Variants in LHFPL3 observed in about 807,000 individuals in gnomAD.
LHFPL3 encodes LHFPL tetraspan subfamily member 3.
A neutral mutation model predicts 19.3 loss-of-function variants in LHFPL3; 5 were observed. That is an observed-to-expected ratio of 0.26 (90% CI 0.14 to 0.54). The LOEUF (loss-of-function observed/expected upper bound fraction) is 0.54, where lower values mean the gene tolerates loss of function less well. Among genes scored for constraint, LHFPL3 ranks in the 20% least tolerant of loss-of-function variants. LHFPL3 has a pLI of 0.94. For synonymous variants in LHFPL3, 133 were observed against 126.2 expected (o/e 1.05, Z -0.36); for missense variants, 249 against 307.4 (o/e 0.81, Z 1.42).
At chr7:104,335,888 T>G (rs928587403) in intron 1 of LHFPL3, among the ~76,000 whole-genome samples, 1 of 149,066 alleles carries the variant, frequency 6.7e-6, no homozygotes, top group African/African-American at 2.5e-5. Context: ...GAAGAGCATA[T>G]AGCTAGAGTT....
At chr7:104,647,626 A>G (rs1791955893) in intron 1 of LHFPL3, among the ~76,000 whole-genome samples, 1 of 152,258 alleles carries the variant, frequency 6.6e-6, no homozygotes, top group Admixed American at 6.5e-5. Flanking sequence ...TGGCTTAAAT[A>G]AGAAGAGTTT....
rs77806434 is a variant in LHFPL3, at chr7:104,758,267, G to A, written c.682+21356G>A. Among the ~76,000 whole-genome samples, 654 of 152,250 alleles carry A rather than the reference G, an allele frequency of 4.3e-3. 4 individuals carry two copies. The highest frequency in any genetic ancestry group is 0.015 in the African/African-American group (628 of 41,550). On this transcript the variant is annotated intron_variant, in intron 2 of 2. Coordinates refer to ENST00000424859, the MANE Select transcript of LHFPL3 (RefSeq NM_199000.3). ...ACTATACTCACTACCTGGGTAATCCGCTAGTAGGGATCATTTGTTCCCCAA... is the reference window on the plus strand; with the variant it reads ...ACTATACTCACTACCTGGGTAATCCACTAGTAGGGATCATTTGTTCCCCAA...
chr7:104,714,906 A>G lies in LHFPL3; in HGVS notation c.446-21769A>G, dbSNP rs1021065083. 3.9e-5 allele frequency among the ~76,000 whole-genome samples: 6 copies of G among 152,174 alleles called. No individual in the cohort carries two copies. The South Asian group carries it at 1.2e-3, about 32-fold the overall frequency. On this transcript the variant is annotated intron_variant, in intron 1 of 2. Coordinates refer to ENST00000424859, the MANE Select transcript of LHFPL3 (RefSeq NM_199000.3). Reference sequence around the variant, plus strand: ...TGTGTGCGCATGCACACATGTGTACATGCTCACTCTATATATATATACACA... The same window carrying G: ...TGTGTGCGCATGCACACATGTGTACGTGCTCACTCTATATATATATACACA...
intron 1 of LHFPL3, among the ~76,000 whole-genome samples, chr7:104,475,686 A>C (rs895778313): frequency 4.6e-5 from 7 of 152,198 alleles, no homozygotes; most frequent in African/African-American, 1.7e-4. Flanking sequence ...GATGATTTAC[A>C]GTTCACAAAG....
At chr7:104,338,930 A>C (rs183164682) in intron 1 of LHFPL3, among the ~76,000 whole-genome samples, 1 of 152,162 alleles carries the variant, frequency 6.6e-6, no homozygotes. Context: ...ATCACTTAAC[A>C]TACTCTTCTC....
chr7:104,665,132 T>C (rs2116005154), intron 1 of LHFPL3, among the ~76,000 whole-genome samples: 1 of 152,384 alleles, frequency 6.6e-6, no homozygotes, highest in Middle Eastern at 3.4e-3. Context: ...AGACTGCTAA[T>C]GTAAAACTGG....
At chr7:104,578,252 TA>T (rs1790381398) in intron 1 of LHFPL3, among the ~76,000 whole-genome samples, 2 of 152,248 alleles carry the variant, frequency 1.3e-5, no homozygotes, top group African/African-American at 4.8e-5. Context: ...GGGTAACTCC[TA>T]GAGAGCCCGC....
intron 2 of LHFPL3, among the ~76,000 whole-genome samples, chr7:104,737,215 T>C (rs1212775318): frequency 1.3e-5 from 2 of 152,140 alleles, no homozygotes; most frequent in African/African-American, 2.4e-5. Flanking sequence ...CAGAACTTAA[T>C]GGCTAAGATG....
intron 1 of LHFPL3, among the ~76,000 whole-genome samples, chr7:104,590,265 C>A (rs901660061): frequency 6.6e-6 from 1 of 151,978 alleles, no homozygotes; most frequent in African/African-American, 2.4e-5. Flanking sequence ...TATACGTTTC[C>A]CTCTGCACAC....
At chr7:104,746,608 G>A (rs898880947) in intron 2 of LHFPL3, among the ~76,000 whole-genome samples, 3 of 152,104 alleles carry the variant, frequency 2.0e-5, no homozygotes, top group Non-Finnish European at 4.4e-5. Context: ...AAATTTTATT[G>A]TTGCCTTTTC....
chr7:104,366,798 A>G (rs961544909), intron 1 of LHFPL3, among the ~76,000 whole-genome samples: 1 of 152,234 alleles, frequency 6.6e-6, no homozygotes, highest in African/African-American at 2.4e-5. Flanking sequence ...CAGTAAATAC[A>G]ATATCGAGAA....
chr7:104,488,260 C>T lies in LHFPL3; in HGVS notation c.445+159036C>T, dbSNP rs1329278637. Among the ~76,000 whole-genome samples the T allele has an allele frequency of 2.2e-4, 33 of 152,066 alleles. 1 individual carries two copies. On this transcript the variant is annotated intron_variant, in intron 1 of 2. Coordinates refer to ENST00000424859, the MANE Select transcript of LHFPL3 (RefSeq NM_199000.3). ...CTTACAAATATTTTGGAGTTTCTCT[C>T]CTAGTTTTGCCAAAAATTGAGGGTG...
intron 2 of LHFPL3, among the ~76,000 whole-genome samples, chr7:104,892,049 C>T (rs1479990059): frequency 6.6e-6 from 1 of 152,240 alleles, no homozygotes; most frequent in African/African-American, 2.4e-5. Context: ...TTTTGCAACA[C>T]TTTGCATATT....
chr7:104,750,365 C>T (rs901233474), intron 2 of LHFPL3, among the ~76,000 whole-genome samples: 33 of 152,232 alleles, frequency 2.2e-4, no homozygotes, highest in Admixed American at 2.0e-3. Context: ...CCTGTCGGAT[C>T]AGTGCTTCCA....
chr7:104,474,679 A>G (rs1036533495), intron 1 of LHFPL3, among the ~76,000 whole-genome samples: 2 of 122,654 alleles, frequency 1.6e-5, no homozygotes, highest in African/African-American at 5.9e-5. Context: ...CGACAACAAC[A>G]ACAACAACAA....
At chr7:104,865,238 G>T (rs576638755) in intron 2 of LHFPL3, among the ~76,000 whole-genome samples, 2 of 152,162 alleles carry the variant, frequency 1.3e-5, no homozygotes, top group Admixed American at 1.3e-4. Context: ...TGACTTTGAC[G>T]AGTTGAGAGA....
rs557082294 is a variant in LHFPL3 at position 104,562,354 on chromosome 7, C to A, written c.446-174321C>A. Among the ~76,000 whole-genome samples, 3 of 152,272 alleles carry A rather than the reference C, an allele frequency of 2.0e-5. No individual in the cohort carries two copies. In the South Asian group the frequency reaches 6.2e-4, roughly 32 times the overall value. On this transcript the variant is annotated intron_variant, in intron 1 of 2. Transcript: ENST00000424859. ...ATAGATTTGGTCTTTTCACATAGTC[C>A]CATAGTTCTTGGAGGCTTTGCTCAT...
chr7:104,584,172 G>A (rs1286805134), intron 1 of LHFPL3, among the ~76,000 whole-genome samples: 1 of 152,014 alleles, frequency 6.6e-6, no homozygotes, highest in Non-Finnish European at 1.5e-5. Flanking sequence ...CATGGATGAA[G>A]CTGGAAACCA....
At chr7:104,842,889 T>C (rs1791239674) in intron 2 of LHFPL3, among the ~76,000 whole-genome samples, 1 of 152,270 alleles carries the variant, frequency 6.6e-6, no homozygotes, top group Non-Finnish European at 1.5e-5. Context: ...GTTTGCACTT[T>C]TGCCTGAGCA....
Sources: allele counts gnomAD v4.1 joint callset (sites outside exome capture counted in the v4.1 genomes callset), GRCh38; gene constraint gnomAD v4.1.1; transcripts MANE v1.5; gene names NCBI Gene and HGNC (gene_info 2026-07-23, HGNC 2026-07-21).